The following SARDH variants were observed in gnomAD, a reference collection of about 807,000 sequenced individuals.
The protein encoded by SARDH is sarcosine dehydrogenase, mitochondrial.
Under a neutral mutation model 109.1 loss-of-function variants are expected in SARDH, and 95 were observed. The observed-to-expected ratio is 0.87, with a 90% CI of 0.74 to 1.03. SARDH has a LOEUF of 1.03. Ranked by LOEUF, SARDH falls within the 50% of genes least tolerant of loss-of-function variation. The pLI is 0.00. For missense variants in SARDH, 1,267 were observed against 1,287.8 expected, an observed-to-expected ratio of 0.98 and a Z score of 0.25; for synonymous variants, 572 against 534.8, an observed-to-expected ratio of 1.07 and a Z score of -0.96.
At chr9:133,672,265 G>A (rs1588381439) in intron 17 of SARDH, among the ~76,000 whole-genome samples, 1 of 152,298 alleles carries the variant, frequency 6.6e-6, no homozygotes, top group Admixed American at 6.5e-5. Context: ...ACTGGACTTA[G>A]GACCTTCCCT....
chr9:133,710,183 A>G (rs1831863168), intron 10 of SARDH, among the ~76,000 whole-genome samples: 1 of 152,214 alleles, frequency 6.6e-6, no homozygotes, highest in South Asian at 2.1e-4. Flanking sequence ...TACTGGGCCA[A>G]GCGTCCACAC....
In SARDH at chr9:133,702,943, GGTGTACTCGTCTGCCAGCAGCCT is replaced by G; in HGVS notation, c.1618_1640del (p.Arg540LeufsTer25). 6.2e-7 allele frequency: 1 copy of G among 1,612,884 alleles called. No individual in the cohort carries two copies. The highest frequency in any genetic ancestry group is 2.2e-5 in the East Asian group (1 of 44,854). On this transcript the variant is annotated frameshift_variant, in exon 13 of 21. Transcript: ENST00000439388. LOFTEE classifies it high-confidence loss of function. ...TGTCGTGGTGGGGCGGGAAGGCGAA[GGTGTACTCGTCTGCCAGCAGCCT>G]GCGGTAGGCGTAGTCCTCGTGCGCG...
chr9:133,731,746 G>A (rs1043055575), intron 3 of SARDH, among the ~76,000 whole-genome samples: 13 of 152,346 alleles, frequency 8.5e-5, no homozygotes, highest in African/African-American at 2.6e-4. Flanking sequence ...GGGCAAAGTC[G>A]CTTCAGGCTC....
At chr9:133,713,915 G>A (rs1458884690) in intron 8 of SARDH, among the ~76,000 whole-genome samples, 2 of 152,380 alleles carry the variant, frequency 1.3e-5, no homozygotes, top group Admixed American at 6.5e-5. Flanking sequence ...GGGAGGCAGC[G>A]CTGAGCAGGA....
intron 20 of SARDH, among the ~76,000 whole-genome samples, 183 bp from the exon 21 acceptor site, chr9:133,664,197 T>C (rs1829978234): frequency 6.6e-6 from 1 of 152,192 alleles, no homozygotes; most frequent in South Asian, 2.1e-4. Flanking sequence ...TTCGTGTCCA[T>C]GTGATCTTGA....
chr9:133,661,609 G>T (rs750411642), downstream of SARDH, among the ~76,000 whole-genome samples: 34 of 152,040 alleles, frequency 2.2e-4, no homozygotes, highest in Non-Finnish European at 4.0e-4. Flanking sequence ...AGCCTCCCAA[G>T]TATCTGGGAT....
At chr9:133,696,561 A>G (rs1831296947) in intron 13 of SARDH, among the ~76,000 whole-genome samples, 200 bp from the exon 14 acceptor site, 1 of 152,196 alleles carries the variant, frequency 6.6e-6, no homozygotes, top group Admixed American at 6.5e-5. Flanking sequence ...GCTCCCCAGG[A>G]TAGATAATAT....
Position 133,732,545 on chromosome 9 carries a change from G to C in SARDH, c.388C>G (p.Arg130Gly). 6.2e-7 allele frequency: 1 copy of C among 1,613,734 alleles called. No individual in the cohort carries two copies. The highest frequency in any genetic ancestry group is 8.5e-7 in the Non-Finnish European group (1 of 1,179,844). The change falls in exon 3 of 21, where the codon CGG becomes GGG. Residue 130 changes from arginine (R) to glycine (G), a missense_variant. Coordinates refer to ENST00000439388, the MANE Select transcript of SARDH (RefSeq NM_001134707.2). ...DVEVELLAHT[R>G]RVVSRELEEE... ...TCCAGCTCCCGGCTCACCACCCGCC[G>C]AGTGTGGGCCAGAAGCTCCACCTCC...
At chr9:133,738,451 A>T (rs1832957517), upstream of SARDH, 1 of 151,788 alleles carries the variant, frequency 6.6e-6, no homozygotes, top group Non-Finnish European at 1.5e-5. Flanking sequence ...AGGCCAGCTT[A>T]GTTGGGGCTT....
intron 13 of SARDH, among the ~76,000 whole-genome samples, chr9:133,699,970 C>T (rs898995924): frequency 2.6e-5 from 4 of 152,214 alleles, no homozygotes; most frequent in Non-Finnish European, 2.9e-5. Context: ...CCAATGTCCA[C>T]CAACGGATCA....
intron 17 of SARDH, among the ~76,000 whole-genome samples, chr9:133,673,066 A>G (rs1439612853): frequency 6.6e-6 from 1 of 152,196 alleles, no homozygotes; most frequent in Non-Finnish European, 1.5e-5. Context: ...AGGCTCCCAG[A>G]GGCACTGAGC....
intron 1 of SARDH, among the ~76,000 whole-genome samples, chr9:133,735,564 C>A (rs1832855683): frequency 6.6e-6 from 1 of 152,202 alleles, no homozygotes; most frequent in Non-Finnish European, 1.5e-5. Context: ...TGACTGCAAT[C>A]CACACAATCA....
At chr9:133,667,142 A>G in intron 19 of SARDH, 1 of 534,850 alleles carries the variant, frequency 1.9e-6, no homozygotes. Flanking sequence ...CGAGCCCCGT[A>G]TATTTGGGAG....
Position 133,666,957 on chromosome 9 carries a change from GC to G in SARDH, c.2496-88del, listed in dbSNP as rs1462019548. ...GCGGCCTGGAGGAGAATGGGGGGCT[GC>G]ATGATGCACACCCAACCGTGGCTCC... On this transcript the variant is annotated intron_variant, in intron 19 of 20. Transcript: ENST00000439388. The surrounding 1 kb of genome is among the most constrained non-coding windows in gnomAD (Gnocchi z 5.2). 1 of 1,542,522 alleles carries G rather than the reference GC, an allele frequency of 6.5e-7. No individual in the cohort carries two copies. The highest frequency in any genetic ancestry group is 1.4e-5 in the African/African-American group (1 of 73,638).
rs1832774729 is a variant in SARDH at position 133,733,964 on chromosome 9, C to T, written c.210G>A (p.Val70=). The part of the protein sequence containing the change: ...SRPLPSTANV[V]VIGGGSLGCQ... ...AGCCCAAGCTGCCTCCACCAATGAC[C>T]ACCACGTTGGCCGTGCTGGGCAGGG... The change falls in exon 2 of 21, where the codon GTG becomes GTA. Residue 70 remains valine (V), a synonymous_variant. Transcript: ENST00000439388. 6.2e-7 allele frequency: 1 copy of T among 1,610,292 alleles called. No individual in the cohort carries two copies. Among genetic ancestry groups the T allele is most frequent in the Non-Finnish European group, 8.5e-7 (1 of 1,178,510 alleles).
chr9:133,722,640 G>GCT (rs1491335172), intron 6 of SARDH, among the ~76,000 whole-genome samples: 5 of 98,898 alleles, frequency 5.1e-5, no homozygotes, highest in African/African-American at 1.7e-4. Context: ...AAAACTACTA[G>GCT]CGCTCTCTCT....
Position 133,728,261 on chromosome 9 carries a change from C to T in SARDH, c.915+1504G>A, listed in dbSNP as rs998173793. Among the ~76,000 whole-genome samples the T allele has an allele frequency of 7.2e-5, 11 of 152,172 alleles. No individual in the cohort carries two copies. The highest frequency in any genetic ancestry group is 1.9e-4 in the African/African-American group (8 of 41,430). The stretch of plus-strand genomic sequence containing the variant: ...CAGGTTCCGGCCCCATTTCGCCACC[C>T]GCTTCACTACCCTGGTCTACGAAGC... On this transcript the variant is annotated intron_variant, in intron 6 of 20. Transcript: ENST00000439388. The surrounding 1 kb of genome is among the most constrained non-coding windows in gnomAD (Gnocchi z 5.0).
intron 17 of SARDH, among the ~76,000 whole-genome samples, chr9:133,680,363 G>C (rs1478705865): frequency 6.6e-6 from 1 of 152,200 alleles, no homozygotes; most frequent in Non-Finnish European, 1.5e-5. Flanking sequence ...TCTCCCACCT[G>C]CCTGTGAGGC....
chr9:133,710,211 G>T (rs936302648), intron 10 of SARDH, among the ~76,000 whole-genome samples: 11 of 152,244 alleles, frequency 7.2e-5, no homozygotes, highest in African/African-American at 2.7e-4. Context: ...CCTCGAGTGC[G>T]CTCCAAGAGG....
Sources: gnomAD v4.1 joint callset for allele counts (sites outside exome capture counted in the v4.1 genomes callset) on GRCh38, gnomAD v4.1.1 for gene constraint, Gnocchi (gnomAD v3.1) non-coding constraint, MANE v1.5 for transcripts, NCBI Gene and HGNC (gene_info 2026-07-23, HGNC 2026-07-21) for gene names.